The following DKK4 variants were observed in gnomAD, a reference collection of about 807,000 sequenced individuals.
DKK4 encodes dickkopf-related protein 4.
In DKK4, 15 loss-of-function variants were observed where a neutral mutation model predicts 14.5. The ratio of observed to expected loss-of-function variants is 1.03; its 90% CI spans 0.69 to 1.59. DKK4 has a LOEUF of 1.59. DKK4 is among the 40% of genes most tolerant of loss of function. The probability of loss-of-function intolerance (pLI) is 0.00; values close to 1 mark genes in which losing one functional copy is unlikely to be tolerated. For synonymous variants in DKK4, 89 were observed against 105.2 expected (o/e 0.85, Z 0.94); for missense variants, 272 against 280.3 (o/e 0.97, Z 0.21).
upstream of DKK4, among the ~76,000 whole-genome samples, chr8:42,381,996 A>AAAAAAC (rs957011650): frequency 3.3e-5 from 5 of 152,150 alleles, no homozygotes; most frequent in African/African-American, 9.7e-5. Context: ...GACTCCATCT[A>AAAAAAC]AAAAACAAAA....
upstream of DKK4, among the ~76,000 whole-genome samples, chr8:42,378,972 C>T (rs1023077704): frequency 7.4e-5 from 11 of 149,364 alleles, no homozygotes; most frequent in African/African-American, 1.7e-4. Context: ...AAAAGTAGGC[C>T]GCGTGCGGTG....
At chr8:42,386,064 G>C in the DKK4 span, among the ~76,000 whole-genome samples, 1 of 152,284 alleles carries the variant, frequency 6.6e-6, no homozygotes, top group South Asian at 2.1e-4. Flanking sequence ...TGCCTCCCCG[G>C]ATTGGAGGTA....
chr8:42,386,359 C>T, the DKK4 span, among the ~76,000 whole-genome samples: 14 of 152,218 alleles, frequency 9.2e-5, no homozygotes, highest in Admixed American at 5.9e-4. Context: ...CCTCCTTTAT[C>T]TTTTTTCAAT....
upstream of DKK4, among the ~76,000 whole-genome samples, chr8:42,381,708 T>G (rs530378605): frequency 1.3e-5 from 2 of 152,148 alleles, no homozygotes; most frequent in Non-Finnish European, 2.9e-5. Context: ...AACTAGACCA[T>G]GAGCTCGAGC....
At chr8:42,379,581 T>C (rs1225573626), upstream of DKK4, among the ~76,000 whole-genome samples, 2 of 151,610 alleles carry the variant, frequency 1.3e-5, no homozygotes, top group African/African-American at 4.8e-5. Context: ...GTGGAGGACT[T>C]ATGAAGATAT....
At chr8:42,377,643 A>G (rs1943243637), upstream of DKK4, among the ~76,000 whole-genome samples, 1 of 152,222 alleles carries the variant, frequency 6.6e-6, no homozygotes, top group Non-Finnish European at 1.5e-5. Flanking sequence ...CTAATGAGGT[A>G]CAAAATACAC....
At chr8:42,374,638 A>G in intron 3 of DKK4, 123 bp downstream of exon 3, 3 of 1,387,254 alleles carry the variant, frequency 2.2e-6, no homozygotes, top group Admixed American at 2.0e-5. Context: ...GATAACAAAC[A>G]GCACATGCTT....
intron 1 of DKK4, among the ~76,000 whole-genome samples, chr8:42,376,567 C>T (rs1361303975): frequency 6.6e-6 from 1 of 152,150 alleles, no homozygotes. Flanking sequence ...AGCTCTTCAA[C>T]ATCTCTGAGT....
intron 2 of DKK4, 146 bp downstream of exon 2, chr8:42,375,529 AAAAAG>A: frequency 1.9e-6 from 2 of 1,076,286 alleles, no homozygotes; most frequent in Admixed American, 2.9e-5. Context: ...GAAAAAAAAA[AAAAAG>A]GAAAAGAAAA....
rs1824581002 is a variant in DKK4 at position 42,377,100 on chromosome 8, G to C, written c.-55C>G. Reference sequence around the variant, plus strand: ...CAGCACTGTGCGTCACCAAAGCGAGGCTGCTCTCCACCCAGAGCAGAGCTT... The same window carrying C: ...CAGCACTGTGCGTCACCAAAGCGAGCCTGCTCTCCACCCAGAGCAGAGCTT... On this transcript the variant is annotated 5_prime_UTR_variant, in exon 1 of 4. Transcript: ENST00000220812. 5 of 1,473,344 alleles carry C rather than the reference G, an allele frequency of 3.4e-6. No individual in the cohort carries two copies. Among genetic ancestry groups the C allele is most frequent in the Non-Finnish European group, 4.7e-6 (5 of 1,068,988 alleles). The allele number at this position is 1,473,344 out of a possible 1,614,324, so 91.3% of individuals were successfully genotyped here. A position where few individuals can be genotyped will look rare whatever the true frequency, so the allele number is the denominator to read the frequency against.
the DKK4 span, among the ~76,000 whole-genome samples, chr8:42,385,323 T>C: frequency 6.6e-6 from 1 of 151,782 alleles, no homozygotes; most frequent in Non-Finnish European, 1.5e-5. Flanking sequence ...GCCTAGGAGG[T>C]TGAGGCTGCA....
In DKK4 at chr8:42,374,215, G is replaced by C. The variant is rs1393953513; in HGVS notation, c.560C>G (p.Ala187Gly). The C allele has an allele frequency of 6.2e-7, 1 of 1,613,280 alleles. No homozygotes were observed. Reference protein sequence around the residue: ...SRRGHKDTAQAPEIFQRCDCG... With the variant: ...SRRGHKDTAQGPEIFQRCDCG... ...GTCGCAACGCTGGAAGATTTCTGGAGCTTGAGCAGTGTCTTTATGCCCTCT... is the reference window on the plus strand; with the variant it reads ...GTCGCAACGCTGGAAGATTTCTGGACCTTGAGCAGTGTCTTTATGCCCTCT... Residue 187 changes from alanine (A) to glycine (G), a missense_variant, in exon 4 of 4, where the codon GCT (alanine) becomes GGT (glycine). Transcript: ENST00000220812.
the DKK4 span, among the ~76,000 whole-genome samples, chr8:42,383,191 G>A: frequency 1.3e-5 from 2 of 152,210 alleles, no homozygotes; most frequent in South Asian, 2.1e-4. Flanking sequence ...TGACAGAAAT[G>A]TTGCCATTTG....
upstream of DKK4, among the ~76,000 whole-genome samples, chr8:42,379,700 G>T (rs941914198): frequency 6.6e-5 from 10 of 152,102 alleles, no homozygotes; most frequent in African/African-American, 1.9e-4. Context: ...GGCTTCCTAA[G>T]TTGGGAAGTC....
At chr8:42,379,215 C>T (rs942167467), upstream of DKK4, among the ~76,000 whole-genome samples, 7 of 147,310 alleles carry the variant, frequency 4.8e-5, no homozygotes, top group African/African-American at 1.8e-4. Flanking sequence ...GGTGCCACTG[C>T]ACTCCAGCCT....
rs781101745 is a variant in DKK4, at chr8:42,377,086, G to A, written c.-41C>T. 22 of 1,555,832 alleles carry A rather than the reference G, an allele frequency of 1.4e-5. No individual in the cohort carries two copies. Among genetic ancestry groups the A allele is most frequent in the East Asian group, 2.3e-5 (1 of 44,240 alleles). On this transcript the variant is annotated 5_prime_UTR_variant, in exon 1 of 4. The change creates a new upstream start codon in the 5' untranslated region. Transcript: ENST00000220812. ...CTCCTGGAGGGTCCCAGCACTGTGCGTCACCAAAGCGAGGCTGCTCTCCAC... is the reference window on the plus strand; with the variant it reads ...CTCCTGGAGGGTCCCAGCACTGTGCATCACCAAAGCGAGGCTGCTCTCCAC...
upstream of DKK4, among the ~76,000 whole-genome samples, chr8:42,379,420 GA>G (rs1563415787): frequency 1.1e-4 from 13 of 120,978 alleles, no homozygotes; most frequent in African/African-American, 3.9e-4. Context: ...GAGAGAGAGA[GA>G]GAGAGAAAGA....
rs535421397 is a variant in DKK4, at chr8:42,377,207, G to A, written c.-162C>T. ...GTAAACCTTAGTCTGAGTAAGGTGC[G>A]TGAAATCGGCTGAGCAAAGTCTGAC... is the stretch of plus-strand genomic sequence containing the variant. On this transcript the variant is annotated 5_prime_UTR_variant, in exon 1 of 4. It adds an upstream start codon to the 5' untranslated region. Transcript: ENST00000220812. The A allele has an allele frequency of 2.2e-5, 13 of 600,102 alleles. No individual in the cohort carries two copies. Among genetic ancestry groups the A allele is most frequent in the East Asian group, 8.4e-5 (3 of 35,550 alleles). The allele number at this position is 600,102 out of a possible 1,614,324, so 37.2% of individuals were successfully genotyped here.
intron 3 of DKK4, 117 bp downstream of exon 3, chr8:42,374,644 T>C: frequency 7.0e-7 from 1 of 1,426,580 alleles, no homozygotes; most frequent in Non-Finnish European, 9.6e-7. Flanking sequence ...AAACAGCACA[T>C]GCTTCCTAAG....
Sources: gnomAD v4.1 joint callset for allele counts (sites outside exome capture counted in the v4.1 genomes callset) on GRCh38, gnomAD v4.1.1 for gene constraint, MANE v1.5 for transcripts, NCBI Gene and HGNC (gene_info 2026-07-23, HGNC 2026-07-21) for gene names.